Variants in TNR observed in about 807,000 individuals in gnomAD.
TNR encodes the protein tenascin-R.
TNR carries 45 observed loss-of-function variants against 150.4 expected under a neutral mutation model. The observed-to-expected ratio is 0.30, with a 90% CI of 0.24 to 0.38. TNR has a LOEUF of 0.38. Ranked by LOEUF, TNR falls within the 10% of genes least tolerant of loss-of-function variation. The pLI is 1.00. For synonymous variants in TNR, 687 were observed against 678.4 expected (o/e 1.01, Z -0.20); for missense variants, 1,544 against 1,759.1 (o/e 0.88, Z 2.19).
intron 1 of TNR, among the ~76,000 whole-genome samples, chr1:175,602,203 CAAAAAAAAAAAAAAAAAA>C (rs57341654): frequency 3.3e-5 from 1 of 30,532 alleles, no homozygotes; most frequent in Non-Finnish European, 7.1e-5. Flanking sequence ...GGACCAAAGG[CAAAAAAAAAAAAAAAAAA>C]AAAAAAAAAA....
At chr1:175,487,463 G>T (rs1183808879) in intron 2 of TNR, among the ~76,000 whole-genome samples, 2 of 152,178 alleles carry the variant, frequency 1.3e-5, no homozygotes, top group African/African-American at 2.4e-5. Flanking sequence ...TTTGGACACT[G>T]CTTGCCTTCT....
chr1:175,537,790 T>A (rs1317720757), intron 1 of TNR, among the ~76,000 whole-genome samples: 1 of 152,078 alleles, frequency 6.6e-6, no homozygotes, highest in African/African-American at 2.4e-5. Context: ...AGCACCTAAG[T>A]CCCTCTCCCT....
At chr1:175,378,141 A>C (rs1325530722) in intron 9 of TNR, among the ~76,000 whole-genome samples, 4 of 152,140 alleles carry the variant, frequency 2.6e-5, no homozygotes, top group Non-Finnish European at 4.4e-5. Flanking sequence ...TTCTCTGTAC[A>C]ATCCAGTCAT....
chr1:175,495,033 G>A (rs1658426143), intron 2 of TNR, among the ~76,000 whole-genome samples: 1 of 152,150 alleles, frequency 6.6e-6, no homozygotes, highest in South Asian at 2.1e-4. Flanking sequence ...GTTCACTTCT[G>A]CAGGCACGGC....
chr1:175,353,069 C>T (rs1040971737), intron 18 of TNR, among the ~76,000 whole-genome samples: 1 of 152,142 alleles, frequency 6.6e-6, no homozygotes, highest in African/African-American at 2.4e-5. Context: ...TGCACCCACA[C>T]CCCCATAATG....
intron 18 of TNR, among the ~76,000 whole-genome samples, chr1:175,351,492 G>C (rs1475868751): frequency 6.6e-6 from 1 of 152,122 alleles, no homozygotes; most frequent in Non-Finnish European, 1.5e-5. Flanking sequence ...TCCCTACAAG[G>C]GGTATTAAAA....
intron 1 of TNR, among the ~76,000 whole-genome samples, chr1:175,636,467 A>C (rs59093109): frequency 0.021 from 3,252 of 152,026 alleles, 102 homozygotes; most frequent in African/African-American, 0.071. Flanking sequence ...GAAGCCCCTG[A>C]CATCCATGCC....
chr1:175,348,344 T>A (rs1006326963), intron 18 of TNR, among the ~76,000 whole-genome samples: 1 of 152,194 alleles, frequency 6.6e-6, no homozygotes, highest in Admixed American at 6.5e-5. Context: ...AATTAATTTA[T>A]AAATTCATTG....
chr1:175,353,048 C>T (rs889638158), intron 18 of TNR, among the ~76,000 whole-genome samples: 5 of 152,124 alleles, frequency 3.3e-5, no homozygotes, highest in African/African-American at 1.2e-4. Context: ...CTCAGGTTTG[C>T]CTCACATGTA....
At chr1:175,379,883 T>A in intron 8 of TNR, 146 bp from the exon 9 acceptor site, 1 of 934,532 alleles carries the variant, frequency 1.1e-6, no homozygotes, top group Non-Finnish European at 1.6e-6. Flanking sequence ...TGGCTACCCT[T>A]AGCTTTTTGG....
At chr1:175,395,990 G>A (rs1653408327) in intron 5 of TNR, among the ~76,000 whole-genome samples, 1 of 152,078 alleles carries the variant, frequency 6.6e-6, no homozygotes, top group Admixed American at 6.6e-5. Flanking sequence ...ATGCTCTAGG[G>A]CTTCAACTTT....
At chr1:175,637,749 G>A (rs1473298532) in intron 1 of TNR, among the ~76,000 whole-genome samples, 1 of 152,148 alleles carries the variant, frequency 6.6e-6, no homozygotes, top group Non-Finnish European at 1.5e-5. Context: ...ACCACTAGGG[G>A]GGAAATGTCA....
chr1:175,352,796 A>G (rs530755996), intron 18 of TNR, among the ~76,000 whole-genome samples: 1 of 152,320 alleles, frequency 6.6e-6, no homozygotes, highest in African/African-American at 2.4e-5. Flanking sequence ...AAAAGAAGGG[A>G]GAAGAGGACT....
In TNR at chr1:175,317,675, T is replaced by G. The variant is rs1648882169; in HGVS notation, c.*5682A>C. ...GACCTGAATCCATGGTGCCAGTGAG[T>G]GAGTGCCAGTACCCAGGAGAGCTGG... On this transcript the variant is annotated 3_prime_UTR_variant, in exon 23 of 23. Transcript: ENST00000367674. The G allele has an allele frequency of 6.6e-6, 1 of 152,256 alleles. No homozygotes were observed. Among genetic ancestry groups the G allele is most frequent in the Non-Finnish European group, 1.5e-5 (1 of 68,068 alleles). The allele number at this position is 152,256 out of a possible 1,614,324, so 9.4% of individuals were successfully genotyped here.
chr1:175,598,435 A>G (rs1411886235), intron 1 of TNR, among the ~76,000 whole-genome samples: 1 of 152,226 alleles, frequency 6.6e-6, no homozygotes, highest in Non-Finnish European at 1.5e-5. Flanking sequence ...TTTCCATGGG[A>G]CACAAACAAA....
intron 4 of TNR, among the ~76,000 whole-genome samples, chr1:175,400,621 C>T (rs1304507437): frequency 1.3e-5 from 2 of 152,130 alleles, no homozygotes; most frequent in African/African-American, 4.8e-5. Context: ...CCTCAGAATG[C>T]AATCCACACA....
At position 175,571,068 on chromosome 1, in the gene TNR, G is replaced by T. The variant is rs944583164; in HGVS notation, c.-164-42699C>A. Among the ~76,000 whole-genome samples the T allele has an allele frequency of 5.3e-5, 8 of 152,120 alleles. No individual in the cohort carries two copies. The South Asian group carries it at 1.7e-3, about 32-fold the overall frequency. On this transcript the variant is annotated intron_variant, in intron 1 of 22. Transcript: ENST00000367674. ...CTTCACCCAGCCCCACTCATCATCA[G>T]AGTTAGCTCTAACCCATCTAACACC...
At chr1:175,373,248 T>C (rs1486147343) in intron 9 of TNR, among the ~76,000 whole-genome samples, 1 of 152,246 alleles carries the variant, frequency 6.6e-6, no homozygotes, top group South Asian at 2.1e-4. Flanking sequence ...AAATAATTCA[T>C]GAAAACCCAG....
chr1:175,573,889 C>T (rs1661988520), intron 1 of TNR, among the ~76,000 whole-genome samples: 1 of 152,116 alleles, frequency 6.6e-6, no homozygotes, highest in South Asian at 2.1e-4. Flanking sequence ...GTCAGAGATG[C>T]TAGAAAAGCC....
Sources: allele counts gnomAD v4.1 joint callset (sites outside exome capture counted in the v4.1 genomes callset), GRCh38; gene constraint gnomAD v4.1.1; transcripts MANE v1.5; gene names NCBI Gene and HGNC (gene_info 2026-07-23, HGNC 2026-07-21).